PDE1C: variants seen among roughly 807,000 people sequenced by gnomAD.
PDE1C encodes phosphodiesterase 1C, also known as dual specificity calcium/calmodulin-dependent 3',5'-cyclic nucleotide phosphodiesterase 1C.
In PDE1C, 62 loss-of-function variants were observed where a neutral mutation model predicts 93.1. That is an observed-to-expected ratio of 0.67 (90% confidence interval 0.54 to 0.82). PDE1C has a LOEUF of 0.82. Among genes scored for constraint, PDE1C ranks in the 40% least tolerant of loss-of-function variants. The pLI, the probability that PDE1C is intolerant of heterozygous loss-of-function variation, is 0.00. For missense variants in PDE1C, 742 were observed against 884.6 expected, an observed-to-expected ratio of 0.84 and a Z score of 2.04; for synonymous variants, 325 against 310.1, an observed-to-expected ratio of 1.05 and a Z score of -0.50.
At chr7:32,122,248 C>T (rs905565983) in intron 3 of PDE1C, among the ~76,000 whole-genome samples, 5 of 152,296 alleles carry the variant, frequency 3.3e-5, no homozygotes, top group African/African-American at 7.2e-5. Flanking sequence ...TACAAAGAGA[C>T]TTAGACTCCC....
At chr7:32,226,565 G>A (rs1327443365) in intron 1 of PDE1C, among the ~76,000 whole-genome samples, 2 of 152,294 alleles carry the variant, frequency 1.3e-5, no homozygotes, top group East Asian at 1.9e-4. Flanking sequence ...GTCAGAGGGG[G>A]GCCCCTGATG....
intron 7 of PDE1C, among the ~76,000 whole-genome samples, chr7:31,857,967 T>C (rs924958402): frequency 3.9e-5 from 6 of 152,082 alleles, no homozygotes; most frequent in African/African-American, 1.4e-4. Context: ...AATAAACAGG[T>C]TGAATAACTA....
At chr7:32,169,722 A>C in intron 3 of PDE1C, 1 of 1,419,498 alleles carries the variant, frequency 7.0e-7, no homozygotes, top group Non-Finnish European at 9.9e-7. Flanking sequence ...TATGCATCTA[A>C]CTGGATTGAA....
At chr7:31,774,276 A>G (rs889060047) in intron 17 of PDE1C, among the ~76,000 whole-genome samples, 1 of 152,192 alleles carries the variant, frequency 6.6e-6, no homozygotes, top group East Asian at 1.9e-4. Context: ...GAAGAAATGT[A>G]AAGGTGAATT....
At chr7:32,329,543 T>TG (rs1222166772) in intron 1 of PDE1C, among the ~76,000 whole-genome samples, 1 of 152,218 alleles carries the variant, frequency 6.6e-6, no homozygotes, top group Non-Finnish European at 1.5e-5. Context: ...CACAGAGGTA[T>TG]GGCAGCACTT....
chr7:32,276,191 T>C (rs577072285), intron 1 of PDE1C, among the ~76,000 whole-genome samples: 144 of 152,344 alleles, frequency 9.5e-4, no homozygotes, highest in African/African-American at 3.2e-3. Flanking sequence ...AGCTCTTTAA[T>C]TTTCACTATA....
intron 2 of PDE1C, among the ~76,000 whole-genome samples, chr7:32,041,783 GTTT>G (rs970006924): frequency 1.3e-5 from 2 of 152,086 alleles, no homozygotes; most frequent in Non-Finnish European, 2.9e-5. Context: ...ATAGCTTGTT[GTTT>G]TTTTGTTAAG....
chr7:31,622,493 A>T, the PDE1C span, among the ~76,000 whole-genome samples: 1 of 148,630 alleles, frequency 6.7e-6, no homozygotes, highest in Non-Finnish European at 1.5e-5. Flanking sequence ...TGAACAACCT[A>T]CTCCTGAATG....
intron 3 of PDE1C, chr7:32,169,660 A>G (rs950647724): frequency 2.5e-6 from 2 of 802,292 alleles, no homozygotes; most frequent in Non-Finnish European, 4.1e-6. Context: ...TCCTTCATCA[A>G]TTTTAATTTA....
intron 2 of PDE1C, among the ~76,000 whole-genome samples, chr7:31,990,744 G>C (rs1431879605): frequency 1.3e-5 from 2 of 152,104 alleles, no homozygotes; most frequent in Non-Finnish European, 2.9e-5. Flanking sequence ...GCTTTGGTAA[G>C]GGTTACTATG....
chr7:31,948,624 C>G (rs1237764190), intron 2 of PDE1C, among the ~76,000 whole-genome samples: 1 of 151,982 alleles, frequency 6.6e-6, no homozygotes, highest in Non-Finnish European at 1.5e-5. Flanking sequence ...CTTAATTGTC[C>G]CTGTCATTGA....
chr7:31,834,978 T>C (rs1339148075), intron 11 of PDE1C, among the ~76,000 whole-genome samples: 5 of 152,090 alleles, frequency 3.3e-5, no homozygotes, highest in Non-Finnish European at 5.9e-5. Context: ...CTGGGTGCGG[T>C]TTCCCCCATA....
chr7:31,983,499 C>T (rs1782962609), intron 2 of PDE1C, among the ~76,000 whole-genome samples: 1 of 152,160 alleles, frequency 6.6e-6, no homozygotes, highest in Non-Finnish European at 1.5e-5. Flanking sequence ...CAACTGAGAA[C>T]TCCAAACATT....
intron 3 of PDE1C, among the ~76,000 whole-genome samples, chr7:32,094,008 G>C (rs907771035): frequency 6.6e-6 from 1 of 152,230 alleles, no homozygotes. Flanking sequence ...ATGGTAAAGG[G>C]CTCCTCCTTC....
rs930969739 is a variant in PDE1C at position 31,752,667 on chromosome 7, G to A, written c.*717C>T. 3 of 152,116 alleles carry A rather than the reference G, an allele frequency of 2.0e-5. No individual in the cohort carries two copies. Among genetic ancestry groups the A allele is most frequent in the African/African-American group, 4.8e-5 (2 of 41,438 alleles). 9.4% of individuals were successfully genotyped at this position (152,116 alleles called of 1,614,324 possible). On this transcript the variant is annotated 3_prime_UTR_variant, in exon 18 of 18. Coordinates refer to ENST00000396191, the MANE Select transcript of PDE1C (RefSeq NM_001191057.4). Reference sequence around the variant, plus strand: ...AGATTAGAGGAAAATGAAGCCAAATGCATCTCTTGCAAACCTTCACATCCT... The same window carrying A: ...AGATTAGAGGAAAATGAAGCCAAATACATCTCTTGCAAACCTTCACATCCT...
intron 1 of PDE1C, among the ~76,000 whole-genome samples, chr7:32,362,267 G>A (rs1784150931): frequency 6.6e-6 from 1 of 152,190 alleles, no homozygotes; most frequent in South Asian, 2.1e-4. Context: ...GTGGGTGTGG[G>A]TGTATATAAG....
intron 7 of PDE1C, among the ~76,000 whole-genome samples, chr7:31,857,717 A>G (rs1258514750): frequency 2.0e-5 from 3 of 152,162 alleles, no homozygotes; most frequent in African/African-American, 7.2e-5. Context: ...TCCAACAACC[A>G]AACTTCACTA....
intron 2 of PDE1C, among the ~76,000 whole-genome samples, chr7:31,915,863 A>G (rs555495693): frequency 6.6e-6 from 1 of 152,332 alleles, no homozygotes; most frequent in Admixed American, 6.5e-5. Context: ...AGATACAAGT[A>G]GACTTGTATT....
chr7:32,307,461 C>T (rs28461792), intron 1 of PDE1C, among the ~76,000 whole-genome samples: 11,857 of 152,192 alleles, frequency 0.078, 1,598 homozygotes, highest in African/African-American at 0.27. Flanking sequence ...TATGGCCCCA[C>T]TAAACTGCAA....
Sources: gnomAD v4.1 joint callset for allele counts (sites outside exome capture counted in the v4.1 genomes callset) on GRCh38, gnomAD v4.1.1 for gene constraint, MANE v1.5 for transcripts, NCBI Gene and HGNC (gene_info 2026-07-23, HGNC 2026-07-21) for gene names.